Variants in COL14A1 observed in about 807,000 individuals in gnomAD.
COL14A1 encodes collagen type XIV alpha 1 chain.
COL14A1 carries 136 observed loss-of-function variants against 230.3 expected under a neutral mutation model. The observed-to-expected ratio is 0.59, with a 90% CI of 0.51 to 0.68. The LOEUF (loss-of-function observed/expected upper bound fraction) is 0.68. COL14A1 is among the 30% of genes least tolerant of loss of function. COL14A1 has a pLI of 0.00. For synonymous variants in COL14A1, 792 were observed against 784.1 expected (o/e 1.01, Z -0.17); for missense variants, 1,976 against 2,215.8 (o/e 0.89, Z 2.17).
chr8:120,360,968 G>A (rs979831451), intron 45 of COL14A1, among the ~76,000 whole-genome samples: 3 of 152,038 alleles, frequency 2.0e-5, no homozygotes, highest in Non-Finnish European at 4.4e-5. Flanking sequence ...TCCAGTTGTA[G>A]CCACCACCCC....
chr8:120,209,635 T>C, intron 11 of COL14A1, 121 bp from the exon 12 acceptor site: 2 of 1,014,666 alleles, frequency 2.0e-6, no homozygotes. Context: ...GAACTTGCAA[T>C]TTATTCTTAA....
At chr8:120,289,546 T>C (rs1820306270) in intron 33 of COL14A1, 62 bp from the exon 34 acceptor site, 3 of 1,396,312 alleles carry the variant, frequency 2.1e-6, no homozygotes, top group Admixed American at 1.9e-5. Flanking sequence ...CATACAATTA[T>C]ACAAATTTGG....
Position 120,209,812 on chromosome 8 carries a change from C to A in COL14A1, c.1378C>A (p.Arg460=). The change falls in exon 12 of 48, where the codon CGA becomes AGA. Residue 460 remains arginine (R), a synonymous_variant. Transcript: ENST00000297848. The stretch of plus-strand genomic sequence containing the variant: ...GTACGACGTGACTGAGAACAGCATG[C>A]GAGTCAAATGGGATGCAGTGCCTGG... ...LLYDVTENSM[R]VKWDAVPGAS... 6.2e-6 allele frequency: 10 copies of A among 1,613,738 alleles called. No homozygotes were observed. Among genetic ancestry groups the A allele is most frequent in the Non-Finnish European group, 6.8e-6 (8 of 1,179,814 alleles).
intron 14 of COL14A1, among the ~76,000 whole-genome samples, chr8:120,220,976 T>C (rs1442426566): frequency 6.6e-6 from 1 of 152,204 alleles, no homozygotes; most frequent in African/African-American, 2.4e-5. Flanking sequence ...GAATATCTCA[T>C]GTAATCCTTA....
At position 120,207,070 on chromosome 8, in the gene COL14A1, T is replaced by A. The variant is rs1817458636; in HGVS notation, c.1167T>A (p.Pro389=). Residue 389 remains proline (P), a synonymous_variant, in exon 10 of 48, where the codon CCT becomes CCA. Coordinates refer to ENST00000297848, the MANE Select transcript of COL14A1 (RefSeq NM_021110.4). ...AAAAATACAGAGTTGTGTATTATCCTACCAGGGGTGGAAAACCAGACGAGG... is the reference window on the plus strand; with the variant it reads ...AAAAATACAGAGTTGTGTATTATCCAACCAGGGGTGGAAAACCAGACGAGG... ...NVEKYRVVYY[P]TRGGKPDEVV... 3.1e-6 allele frequency: 5 copies of A among 1,612,218 alleles called. No individual in the cohort carries two copies. Among genetic ancestry groups the A allele is most frequent in the Non-Finnish European group, 4.2e-6 (5 of 1,179,500 alleles).
chr8:120,355,542 A>G (rs776729772), intron 45 of COL14A1, among the ~76,000 whole-genome samples: 22 of 151,646 alleles, frequency 1.5e-4, no homozygotes, highest in South Asian at 6.3e-4. Flanking sequence ...CTTCCCAAGT[A>G]GCTGGGACTA....
intron 42 of COL14A1, among the ~76,000 whole-genome samples, chr8:120,334,235 G>A (rs1042467274): frequency 1.3e-5 from 2 of 151,992 alleles, no homozygotes; most frequent in Non-Finnish European, 1.5e-5. Context: ...TTCATGTGAG[G>A]CATATGTAGG....
chr8:120,334,585 AACACAC>A (rs3054171), intron 42 of COL14A1, among the ~76,000 whole-genome samples: 185 of 144,788 alleles, frequency 1.3e-3, no homozygotes, highest in African/African-American at 3.8e-3. Context: ...CACACACAAA[AACACAC>A]ACACACACAC....
chr8:120,168,016 G>C (rs1208041721), intron 4 of COL14A1, 145 bp from the exon 5 acceptor site: 2 of 496,240 alleles, frequency 4.0e-6, no homozygotes, highest in Admixed American at 6.5e-5. Flanking sequence ...CAAAACAGCA[G>C]TTCTAATATT....
In COL14A1 at chr8:120,225,097, G is replaced by T; in HGVS notation, c.1747G>T (p.Asp583Tyr). 1.9e-6 allele frequency: 3 copies of T among 1,609,836 alleles called. No homozygotes were observed. The highest frequency in any genetic ancestry group is 2.5e-6 in the Non-Finnish European group (3 of 1,178,782). ...CTTATTTCTTTGACAGGTTGAAGTCGATCCTATTACTACCTTCCCTCTGAA... is the reference window on the plus strand; with the variant it reads ...CTTATTTCTTTGACAGGTTGAAGTCTATCCTATTACTACCTTCCCTCTGAA... Reference protein sequence around the residue: ...DGTEINEVEVDPITTFPLKGL... With the variant: ...DGTEINEVEVYPITTFPLKGL... Residue 583 changes from aspartate to tyrosine, a missense_variant, in exon 15 of 48, where the codon GAT becomes TAT. Asp to Tyr is a radical substitution (Grantham distance 160). This residue lies in a region of COL14A1 where 1,791 missense variants were observed against 2,019.5 expected (regional missense o/e 0.89). Coordinates refer to ENST00000297848, the MANE Select transcript of COL14A1 (RefSeq NM_021110.4).
At chr8:120,293,729 T>C (rs1276196616) in intron 34 of COL14A1, among the ~76,000 whole-genome samples, 2 of 152,004 alleles carry the variant, frequency 1.3e-5, no homozygotes, top group Admixed American at 1.3e-4. Context: ...TACTAGAGAC[T>C]ATATGTCCTA....
chr8:120,221,574 A>ACACACT (rs1817937267), intron 14 of COL14A1, among the ~76,000 whole-genome samples: 1 of 151,862 alleles, frequency 6.6e-6, no homozygotes, highest in Admixed American at 6.6e-5. Flanking sequence ...ACACACACAC[A>ACACACT]CACACACACG....
rs549424576 is a variant in COL14A1, at chr8:120,323,628, T to C, written c.4659+7631T>C. Among the ~76,000 whole-genome samples, 20 of 152,304 alleles carry C rather than the reference T, an allele frequency of 1.3e-4. 1 individual carries two copies. The South Asian group carries it at 3.7e-3, about 28-fold the overall frequency. ...AGGAAGGGGTCCGGTTTCAATCTTC[T>C]GCATATTGCTAGCCAGTTAACCCAG... On this transcript the variant is annotated intron_variant, in intron 40 of 47. Transcript: ENST00000297848.
intron 45 of COL14A1, among the ~76,000 whole-genome samples, chr8:120,360,191 G>A (rs16893958): frequency 0.014 from 2,056 of 152,282 alleles, 51 homozygotes; most frequent in African/African-American, 0.046. Flanking sequence ...GGCTCTACAG[G>A]ACTCCAGGCT....
chr8:120,341,922 G>A (rs943920909), intron 43 of COL14A1, among the ~76,000 whole-genome samples: 3 of 152,140 alleles, frequency 2.0e-5, no homozygotes, highest in African/African-American at 7.2e-5. Context: ...AAACAGCAGT[G>A]GCCTTGGGCT....
chr8:120,283,711 G>A lies in COL14A1; in HGVS notation c.3900G>A (p.Gln1300=), dbSNP rs760212315. ...FLFRILPDTP[Q]EPFALWEILN... is the part of the protein sequence containing the mutation. ...TCCGGATTCTTCCTGACACTCCACA[G>A]GAGCCATTTGCTCTTTGGGAGATTT... Residue 1300 remains glutamine, a synonymous_variant, in exon 32 of 48, where the codon CAG becomes CAA. Coordinates refer to ENST00000297848, the MANE Select transcript of COL14A1 (RefSeq NM_021110.4). The A allele has an allele frequency of 2.5e-6, 4 of 1,613,778 alleles. No individual in the cohort carries two copies. The highest frequency in any genetic ancestry group is 3.4e-6 in the Non-Finnish European group (4 of 1,179,866).
At chr8:120,364,359 A>G (rs1823329731) in intron 45 of COL14A1, among the ~76,000 whole-genome samples, 1 of 152,074 alleles carries the variant, frequency 6.6e-6, no homozygotes, top group Admixed American at 6.5e-5. Context: ...ATATATCCAG[A>G]TCTATTTTTA....
chr8:120,304,235 G>A (rs924837381), intron 36 of COL14A1, among the ~76,000 whole-genome samples: 1 of 151,874 alleles, frequency 6.6e-6, no homozygotes, highest in African/African-American at 2.4e-5. Flanking sequence ...TTCATGTCTT[G>A]ATTTCCTTCA....
At chr8:120,322,478 A>G (rs374208340) in intron 40 of COL14A1, among the ~76,000 whole-genome samples, 81 of 152,312 alleles carry the variant, frequency 5.3e-4, no homozygotes, top group African/African-American at 1.9e-3. Context: ...AGATTATTTC[A>G]TCACCCAGGT....
Sources: allele counts gnomAD v4.1 joint callset (sites outside exome capture counted in the v4.1 genomes callset), GRCh38; gene constraint gnomAD v4.1.1; regional missense constraint gnomAD v4.1.1; transcripts MANE v1.5; gene names NCBI Gene and HGNC (gene_info 2026-07-23, HGNC 2026-07-21).